The following TRAPPC11 variants were observed in gnomAD, a reference collection of about 807,000 sequenced individuals.
TRAPPC11 encodes trafficking protein particle complex subunit 11.
In TRAPPC11, 104 loss-of-function variants were observed where a neutral mutation model predicts 151.2. That is an observed-to-expected ratio of 0.69 (90% CI 0.59 to 0.81). The LOEUF is 0.81. Ranked by LOEUF, TRAPPC11 falls within the 30% of genes least tolerant of loss-of-function variation. The pLI is 0.00. For synonymous variants in TRAPPC11, 456 were observed against 472.3 expected, an observed-to-expected ratio of 0.97 and a Z score of 0.45; for missense variants, 1,230 against 1,349.6, an observed-to-expected ratio of 0.91 and a Z score of 1.39.
At chr4:183,707,023 G>A (rs989661981) in intron 28 of TRAPPC11, 83 bp downstream of exon 28, 36 of 1,511,288 alleles carry the variant, frequency 2.4e-5, no homozygotes, top group Middle Eastern at 1.8e-4. Flanking sequence ...TTTTATGAAT[G>A]AACTGAGTAA....
At position 183,705,377 on chromosome 4, in the gene TRAPPC11, G is replaced by A. The variant is rs112335810; in HGVS notation, c.3055+307G>A. Among the ~76,000 whole-genome samples the A allele has an allele frequency of 2.3e-3, 353 of 152,212 alleles. 1 individual carries two copies. Among genetic ancestry groups the A allele is most frequent in the African/African-American group, 8.1e-3 (335 of 41,544 alleles). On this transcript the variant is annotated intron_variant, in intron 27 of 29. Transcript: ENST00000334690. ...TAAAAATTAGCAGTAATGTCTTAAT[G>A]TCATCAAATTCCAATGTTGAAATTT...
intron 1 of TRAPPC11, 104 bp from the exon 2 acceptor site, chr4:183,663,743 T>G (rs1283820923): frequency 2.0e-5 from 10 of 510,714 alleles, no homozygotes; most frequent in South Asian, 9.0e-5. Context: ...GTTGTTTTTT[T>G]TTTTTTTTTT....
chr4:183,699,223 C>T (rs985149530), intron 25 of TRAPPC11, among the ~76,000 whole-genome samples: 3 of 152,170 alleles, frequency 2.0e-5, no homozygotes, highest in African/African-American at 7.2e-5. Flanking sequence ...TTGAACATAT[C>T]TTTGGAACTT....
chr4:183,669,082 TG>T (rs2111311394), intron 5 of TRAPPC11, among the ~76,000 whole-genome samples: 1 of 152,224 alleles, frequency 6.6e-6, no homozygotes, highest in East Asian at 1.9e-4. Context: ...GCAGAGAACA[TG>T]CAGAGGAATA....
Position 183,659,408 on chromosome 4 carries a change from AC to A in TRAPPC11, c.-59del, listed in dbSNP as rs1035744583. 2 of 156,700 alleles carry A rather than the reference AC, an allele frequency of 1.3e-5. No homozygotes were observed. Among genetic ancestry groups the A allele is most frequent in the African/African-American group, 4.8e-5 (2 of 41,534 alleles). 9.7% of individuals were successfully genotyped at this position (156,700 alleles called of 1,614,324 possible). A position where few individuals can be genotyped will look rare whatever the true frequency, so the allele number is the denominator to read the frequency against. On this transcript the variant is annotated 5_prime_UTR_variant, in exon 1 of 30. Transcript: ENST00000334690. The stretch of plus-strand genomic sequence containing the variant: ...CCTCGTCTTCTCCCGGCTGGCGGCG[AC>A]CGGCCTCAGCTGCAGCGGGCCCGGG...
intron 5 of TRAPPC11, among the ~76,000 whole-genome samples, chr4:183,671,162 G>A (rs1203575064): frequency 6.6e-6 from 1 of 152,172 alleles, no homozygotes; most frequent in African/African-American, 2.4e-5. Flanking sequence ...CACTGTTCCC[G>A]GCCCTGGAAG....
rs1480296751 is a variant in TRAPPC11, at chr4:183,706,916, C to G, written c.3165C>G (p.Ala1055=). ...AAATTTCTGTGGAGCCCAGTGATGC[C>G]TTCATGTTCTCAGGTCTCAAACAGG... ...DVEISVEPSD[A]FMFSGLKQIR... Residue 1055 remains alanine (A), a synonymous_variant, in exon 28 of 30, where the codon GCC becomes GCG. Coordinates refer to ENST00000334690, the MANE Select transcript of TRAPPC11 (RefSeq NM_021942.6). The G allele has an allele frequency of 2.5e-6, 4 of 1,614,090 alleles. No individual in the cohort carries two copies. Among genetic ancestry groups the G allele is most frequent in the Non-Finnish European group, 3.4e-6 (4 of 1,180,018 alleles).
intron 27 of TRAPPC11, among the ~76,000 whole-genome samples, chr4:183,705,335 T>C (rs1737003096): frequency 6.6e-6 from 1 of 152,212 alleles, no homozygotes; most frequent in Non-Finnish European, 1.5e-5. Flanking sequence ...ATAATTACAG[T>C]ACCATTATCA....
rs756850161 is a variant in TRAPPC11, at chr4:183,697,796, A to C, written c.2812A>C (p.Met938Leu). 1.9e-6 allele frequency: 3 copies of C among 1,613,884 alleles called. No individual in the cohort carries two copies. Among genetic ancestry groups the C allele is most frequent in the Non-Finnish European group, 1.7e-6 (2 of 1,180,030 alleles). ...CAGTGAGCTCCAGCTTGCTCCATCC[A>C]TGACCACAGTGGACCAGCTCGAGTC... ...VSSELQLAPS[M>L]TTVDQLESQV... is the part of the protein sequence containing the mutation. Residue 938 changes from methionine (M) to leucine (L), a missense_variant, in exon 25 of 30, where the codon ATG becomes CTG. Met to Leu is a conservative substitution (Grantham distance 15). Transcript: ENST00000334690.
At chr4:183,708,310 G>A in intron 28 of TRAPPC11, 97 bp from the exon 29 acceptor site, 2 of 1,295,170 alleles carry the variant, frequency 1.5e-6, no homozygotes, top group East Asian at 2.4e-5. Context: ...GAAGGATTTG[G>A]TTATCCAATC....
chr4:183,674,606 C>A, intron 5 of TRAPPC11, 107 bp from the exon 6 acceptor site: 1 of 577,748 alleles, frequency 1.7e-6, no homozygotes, highest in Non-Finnish European at 3.0e-6. Context: ...TAATGTAAAA[C>A]AGATATTTCT....
At chr4:183,688,701 A>T (rs192364719) in intron 18 of TRAPPC11, among the ~76,000 whole-genome samples, 3 of 152,214 alleles carry the variant, frequency 2.0e-5, no homozygotes, top group East Asian at 3.9e-4. Flanking sequence ...GATTTCCTCT[A>T]ATCCGTTTGA....
chr4:183,691,557 G>A, intron 19 of TRAPPC11, 86 bp downstream of exon 19: 1 of 888,918 alleles, frequency 1.1e-6, no homozygotes. Flanking sequence ...AGTTGATTAA[G>A]TAAAAAATGA....
intron 7 of TRAPPC11, 130 bp downstream of exon 7, chr4:183,675,367 TGTAGAGATGAATGGA>T (rs1190913045): frequency 2.2e-6 from 1 of 459,890 alleles, no homozygotes; most frequent in Non-Finnish European, 3.7e-6. Flanking sequence ...TAGGAATTAG[TGTAGAGATGAATGGA>T]GTATAATATT....
At chr4:183,677,129 G>A (rs770775501) in intron 7 of TRAPPC11, among the ~76,000 whole-genome samples, 2 of 152,150 alleles carry the variant, frequency 1.3e-5, no homozygotes, top group African/African-American at 2.4e-5. Flanking sequence ...GCTTGTAATG[G>A]TACTTTAAAA....
At chr4:183,695,294 G>A (rs1458247106) in intron 23 of TRAPPC11, among the ~76,000 whole-genome samples, 1 of 152,064 alleles carries the variant, frequency 6.6e-6, no homozygotes, top group Non-Finnish European at 1.5e-5. Flanking sequence ...GAGATCTCAA[G>A]CAAATCACAC....
chr4:183,664,422 TG>T (rs1403387352), intron 2 of TRAPPC11, among the ~76,000 whole-genome samples: 1 of 152,214 alleles, frequency 6.6e-6, no homozygotes. Context: ...CTGTGCAATG[TG>T]GCTCAATTTC....
chr4:183,685,631 G>T (rs527339734), intron 17 of TRAPPC11, among the ~76,000 whole-genome samples: 19 of 152,064 alleles, frequency 1.2e-4, no homozygotes, highest in South Asian at 1.0e-3. Context: ...TGTAGTTCAG[G>T]TGTTATTAGA....
rs150016400 is a variant in TRAPPC11 at position 183,671,984 on chromosome 4, G to C, written c.561-2729G>C. Among the ~76,000 whole-genome samples, 16 of 152,292 alleles carry C rather than the reference G, an allele frequency of 1.1e-4. 1 individual carries two copies. In the East Asian group the frequency reaches 2.9e-3, roughly 28 times the overall value. ...CAATAAAATACAGATAATTGTGTGC[G>C]TATTTGTATATGTGTATGTACGTGT... is the stretch of plus-strand genomic sequence containing the variant. On this transcript the variant is annotated intron_variant, in intron 5 of 29. Coordinates refer to ENST00000334690, the MANE Select transcript of TRAPPC11 (RefSeq NM_021942.6).
Sources: allele counts gnomAD v4.1 joint callset (sites outside exome capture counted in the v4.1 genomes callset), GRCh38; gene constraint gnomAD v4.1.1; transcripts MANE v1.5; gene names NCBI Gene and HGNC (gene_info 2026-07-23, HGNC 2026-07-21).